The following ERAS variants were observed in gnomAD, a reference collection of about 807,000 sequenced individuals.
ERAS encodes ES cell expressed Ras.
For missense variants in ERAS, 137 were observed against 199.2 expected (o/e 0.69, Z 1.88); for synonymous variants, 87 against 89.1 (o/e 0.98, Z 0.13).
At chrX:48,828,021 CTTTTT>C (rs150963546) in intron 1 of ERAS, among the ~76,000 whole-genome samples, 4 of 89,871 alleles carry the variant, frequency 4.5e-5, no homozygotes, top group Non-Finnish European at 2.2e-5. Flanking sequence ...ATATAGTTCA[CTTTTT>C]TTTTTTTTTT....
Position 48,829,788 on chromosome X carries a change from A to G in ERAS, c.665A>G (p.Gln222Arg). ...ARSCREKTRH[Q>R]KATCHCGCSV... is the part of the protein sequence containing the mutation. ...TCCTGTAGGGAGAAGACCCGGCACC[A>G]GAAGGCCACCTGCCACTGTGGCTGC... Residue 222 changes from glutamine to arginine, a missense_variant, in exon 2 of 2, where the codon CAG becomes CGG. Coordinates refer to ENST00000636362, the MANE Select transcript of ERAS (RefSeq NM_181532.3). 1 of 1,169,063 alleles carries G rather than the reference A, an allele frequency of 8.6e-7. No homozygotes were observed. The highest frequency in any genetic ancestry group is 1.9e-5 in the South Asian group (1 of 51,480).
intron 1 of ERAS, among the ~76,000 whole-genome samples, chrX:48,826,791 G>A (rs2063160316): frequency 1.8e-5 from 2 of 111,909 alleles, no homozygotes; most frequent in Admixed American, 1.9e-4. Context: ...TCCTGGTTTC[G>A]GGGACCCTTC....
chrX:48,829,318 C>T lies in ERAS; in HGVS notation c.195C>T (p.Cys65=), dbSNP rs2063166435. 1 of 1,211,346 alleles carries T rather than the reference C, an allele frequency of 8.3e-7. No individual in the cohort carries two copies. The highest frequency in any genetic ancestry group is 1.7e-5 in the African/African-American group (1 of 57,703). ...SALTIQLNHQ[C]FVEDHDPTIQ... is the part of the protein sequence containing the mutation. ...TGACCATCCAGCTGAACCACCAGTG[C>T]TTCGTGGAGGACCACGACCCCACCA... is the stretch of plus-strand genomic sequence containing the variant. Residue 65 remains cysteine (C), a synonymous_variant, in exon 2 of 2, where the codon TGC becomes TGT. Transcript: ENST00000636362.
At position 48,829,500 on chromosome X, in the gene ERAS, C is replaced by T. The variant is rs782415115; in HGVS notation, c.377C>T (p.Ser126Leu). 14 of 1,212,256 alleles carry T rather than the reference C, an allele frequency of 1.2e-5. No homozygotes were observed. In the Admixed American group the frequency reaches 2.0e-4, roughly 17 times the overall value. The change falls in exon 2 of 2, where the codon TCG becomes TTG. Residue 126 changes from serine (S) to leucine (L), a missense_variant. Ser to Leu is a moderately radical substitution (Grantham distance 145). Transcript: ENST00000636362. ...VLGVFALDDPSSLIQLQQIWA... is the reference protein window; with the variant it reads ...VLGVFALDDPLSLIQLQQIWA... ...GGCGTCTTCGCTCTCGATGACCCCT[C>T]GTCTCTGATCCAGCTGCAGCAGATA...
intron 1 of ERAS, among the ~76,000 whole-genome samples, chrX:48,828,646 G>C (rs1377849623): frequency 9.0e-6 from 1 of 111,413 alleles, no homozygotes; most frequent in African/African-American, 3.3e-5. Context: ...ACCAAAACCG[G>C]CAAAATCCTG....
chrX:48,828,013 A>G (rs1447924950), intron 1 of ERAS, among the ~76,000 whole-genome samples: 1 of 105,352 alleles, frequency 9.5e-6, no homozygotes, highest in African/African-American at 3.5e-5. Context: ...CTACTGACAT[A>G]TAGTTCACTT....
At chrX:48,828,613 T>TG (rs1349994050) in intron 1 of ERAS, among the ~76,000 whole-genome samples, 22 of 111,791 alleles carry the variant, frequency 2.0e-4, no homozygotes, top group African/African-American at 6.8e-4. Context: ...GCAGGCACTG[T>TG]GCTGGGCTAG....
chrX:48,829,445 C>A lies in ERAS; in HGVS notation c.322C>A (p.Gln108Lys). ...GGCCATCCATAGGGCCCTGCGTGAC[C>A]AGTGCCTGGCTGTCTGTGATGGTGT... ...GQAIHRALRD[Q>K]CLAVCDGVLG... is the part of the protein sequence containing the mutation. The change falls in exon 2 of 2, where the codon CAG becomes AAG. Residue 108 changes from glutamine (Q) to lysine (K), a missense_variant. Coordinates refer to ENST00000636362, the MANE Select transcript of ERAS (RefSeq NM_181532.3). 1 of 1,209,688 alleles carries A rather than the reference C, an allele frequency of 8.3e-7. No homozygotes were observed. Among genetic ancestry groups the A allele is most frequent in the Non-Finnish European group, 1.1e-6 (1 of 894,283 alleles).
rs781876444 is a variant in ERAS at position 48,829,730 on chromosome X, CAGG to C, written c.611_613del (p.Glu204del). 3.3e-5 allele frequency: 40 copies of C among 1,204,062 alleles called. No homozygotes were observed. The highest frequency in any genetic ancestry group is 4.4e-5 in the Non-Finnish European group (39 of 891,881). ...GCTGGTCCATGAGATCCAGAGGGTC[CAGG>C]AGGCCATGGCGAAGGAGCCCATGGC... On this transcript the variant is annotated inframe_deletion, in exon 2 of 2. Coordinates refer to ENST00000636362, the MANE Select transcript of ERAS (RefSeq NM_181532.3).
intron 1 of ERAS, among the ~76,000 whole-genome samples, chrX:48,827,679 A>C (rs2063162918): frequency 8.9e-6 from 1 of 111,746 alleles, no homozygotes; most frequent in African/African-American, 3.3e-5. Flanking sequence ...AGGATGCACT[A>C]AGCAGGGCAC....
chrX:48,828,273 C>T (rs1557032873), intron 1 of ERAS, among the ~76,000 whole-genome samples: 2 of 111,098 alleles, frequency 1.8e-5, no homozygotes, highest in East Asian at 5.7e-4. Context: ...AGGTGATCCA[C>T]CCGACTCGGC....
In ERAS at chrX:48,829,483, C is replaced by T. The variant is rs782659386; in HGVS notation, c.360C>T (p.Phe120=). 77 of 1,211,027 alleles carry T rather than the reference C, an allele frequency of 6.4e-5. No homozygotes were observed. The Middle Eastern group carries it at 9.1e-4, about 14-fold the overall frequency. Residue 120 remains phenylalanine, a synonymous_variant, in exon 2 of 2, where the codon TTC becomes TTT. Coordinates refer to ENST00000636362, the MANE Select transcript of ERAS (RefSeq NM_181532.3). ...TCTGTGATGGTGTGCTGGGCGTCTTCGCTCTCGATGACCCCTCGTCTCTGA... is the reference window on the plus strand; with the variant it reads ...TCTGTGATGGTGTGCTGGGCGTCTTTGCTCTCGATGACCCCTCGTCTCTGA... The part of the protein sequence containing the change: ...LAVCDGVLGV[F]ALDDPSSLIQ...
rs2063167009 is a variant in ERAS, at chrX:48,829,538, G to A, written c.415G>A (p.Gly139Ser). 4 of 1,212,154 alleles carry A rather than the reference G, an allele frequency of 3.3e-6. No individual in the cohort carries two copies. Among genetic ancestry groups the A allele is most frequent in the Non-Finnish European group, 4.5e-6 (4 of 895,521 alleles). Residue 139 changes from glycine (G) to serine (S), a missense_variant, in exon 2 of 2, where the codon GGC becomes AGC. Transcript: ENST00000636362. ...GCTGCAGCAGATATGGGCCACCTGG[G>A]GCCCTCACCCCGCCCAGCCCCTTGT... is the stretch of plus-strand genomic sequence containing the variant. ...IQLQQIWATW[G>S]PHPAQPLVLV...
intron 1 of ERAS, among the ~76,000 whole-genome samples, chrX:48,827,106 C>T (rs2063161770): frequency 8.9e-6 from 1 of 112,183 alleles, no homozygotes; most frequent in African/African-American, 3.2e-5. Context: ...GGGACCAGGG[C>T]CGCGGCCTCC....
At chrX:48,829,047 CCT>C (rs2063165825) in intron 1 of ERAS, 32 bp from the exon 2 acceptor site, 12 of 899,262 alleles carry the variant, frequency 1.3e-5, no homozygotes, top group African/African-American at 2.0e-5. Flanking sequence ...TAACGTATCC[CCT>C]GTTGTCTTGC....
In ERAS at chrX:48,829,494, A is replaced by T; in HGVS notation, c.371A>T (p.Asp124Val). The T allele has an allele frequency of 1.7e-6, 2 of 1,211,013 alleles. No homozygotes were observed. The highest frequency in any genetic ancestry group is 1.1e-6 in the Non-Finnish European group (1 of 895,210). ...GTGCTGGGCGTCTTCGCTCTCGATG[A>T]CCCCTCGTCTCTGATCCAGCTGCAG... The part of the protein sequence containing the change: ...DGVLGVFALD[D>V]PSSLIQLQQI... The change falls in exon 2 of 2, where the codon GAC becomes GTC. Residue 124 changes from aspartate to valine, a missense_variant. By Grantham distance (152) the Asp-to-Val change is radical. Transcript: ENST00000636362.
In ERAS at chrX:48,829,149, C is replaced by T; in HGVS notation, c.26C>T (p.Thr9Ile). 1 of 1,111,239 alleles carries T rather than the reference C, an allele frequency of 9.0e-7. No individual in the cohort carries two copies. Among genetic ancestry groups the T allele is most frequent in the Non-Finnish European group, 1.2e-6 (1 of 846,548 alleles). 91.6% of individuals were successfully genotyped at this position (1,111,239 alleles called of 1,213,427 possible). A position where few individuals can be genotyped will look rare whatever the true frequency, so the allele number is the denominator to read the frequency against. Residue 9 changes from threonine to isoleucine, a missense_variant, in exon 2 of 2, where the codon ACC becomes ATC. By Grantham distance (89) the Thr-to-Ile change is moderately conservative (BLOSUM62 -1). Transcript: ENST00000636362. ...ATGGAGCTGCCAACAAAGCCTGGCA[C>T]CTTCGACCTGGGCCTGGCCACATGG... MELPTKPG[T>I]FDLGLATWSP...
rs781805713 is a variant in ERAS at position 48,826,793 on chromosome X, G to C, written c.-44+244G>C. ...GCCCGAAGTGGAGTCCTGGTTTCGG[G>C]GACCCTTCCGCACTCCGAGCTTTGC... On this transcript the variant is annotated intron_variant, in intron 1 of 1. Coordinates refer to ENST00000636362, the MANE Select transcript of ERAS (RefSeq NM_181532.3). Among the ~76,000 whole-genome samples the C allele has an allele frequency of 1.9e-3, 218 of 111,947 alleles. 1 individual carries two copies. Among genetic ancestry groups the C allele is most frequent in the Non-Finnish European group, 3.6e-3 (192 of 52,818 alleles).
intron 1 of ERAS, among the ~76,000 whole-genome samples, chrX:48,826,803 G>A (rs1003481965): frequency 1.8e-5 from 2 of 111,914 alleles, no homozygotes; most frequent in African/African-American, 6.5e-5. Flanking sequence ...GGACCCTTCC[G>A]CACTCCGAGC....
Sources: gnomAD v4.1 joint callset for allele counts (sites outside exome capture counted in the v4.1 genomes callset) on GRCh38, gnomAD v4.1.1 for gene constraint, MANE v1.5 for transcripts, NCBI Gene and HGNC (gene_info 2026-07-23, HGNC 2026-07-21) for gene names.